ZDHHC14: variants seen among roughly 807,000 people sequenced by gnomAD.
ZDHHC14 encodes zDHHC palmitoyltransferase 14, also known as palmitoyltransferase ZDHHC14.
Under a neutral mutation model 47.7 loss-of-function variants are expected in ZDHHC14, and 16 were observed. That is an observed-to-expected ratio of 0.34 (90% CI 0.23 to 0.51). ZDHHC14 has a LOEUF of 0.51. Ranked by LOEUF, ZDHHC14 falls within the 20% of genes least tolerant of loss-of-function variation. ZDHHC14 has a pLI of 0.97. For synonymous variants in ZDHHC14, 293 were observed against 278.9 expected (o/e 1.05, Z -0.50); for missense variants, 515 against 662.5 (o/e 0.78, Z 2.44).
intron 3 of ZDHHC14, among the ~76,000 whole-genome samples, chr6:157,595,077 A>G (rs1582993070): frequency 6.6e-6 from 1 of 150,600 alleles, no homozygotes; most frequent in Admixed American, 6.6e-5. Flanking sequence ...CTTACTGGGC[A>G]CTTCCTTCTC....
intron 2 of ZDHHC14, among the ~76,000 whole-genome samples, chr6:157,554,992 A>G (rs755134492): frequency 1.4e-4 from 21 of 152,202 alleles, no homozygotes; most frequent in Admixed American, 5.2e-4. Flanking sequence ...AGTGGGAGCT[A>G]TGGTCTTCTC....
chr6:157,672,916 G>C lies in ZDHHC14; in HGVS notation c.1261G>C (p.Ala421Pro), dbSNP rs900315693. The change falls in exon 9 of 9, where the codon GCC becomes CCC. Residue 421 changes from alanine (A) to proline (P), a missense_variant. Transcript: ENST00000359775. ...PPASMPNLAE[A>P]TLADVMPRKD... ...CGCCTCCATGCCCAACCTCGCCGAG[G>C]CCACGCTCGCGGACGTGATGCCCCG... is the stretch of plus-strand genomic sequence containing the variant. 2 of 1,603,654 alleles carry C rather than the reference G, an allele frequency of 1.2e-6. No individual in the cohort carries two copies. Among genetic ancestry groups the C allele is most frequent in the Non-Finnish European group, 1.7e-6 (2 of 1,176,832 alleles).
rs140309261 is a variant in ZDHHC14, at chr6:157,420,021, G to T, written c.245+37755G>T. On this transcript the variant is annotated intron_variant, in intron 1 of 8. Transcript: ENST00000359775. ...TAGTATCTTACTGTTGTTTTAATTTGCAATTTCCTAATGACGTGAGACATG... is the reference window on the plus strand; with the variant it reads ...TAGTATCTTACTGTTGTTTTAATTTTCAATTTCCTAATGACGTGAGACATG... Among the ~76,000 whole-genome samples the T allele has an allele frequency of 6.3e-3, 956 of 152,284 alleles. 1 individual carries two copies. Among genetic ancestry groups the T allele is most frequent in the Non-Finnish European group, 0.01 (688 of 68,030 alleles).
Position 157,675,467 on chromosome 6 carries a change from C to G in ZDHHC14, c.*2345C>G, listed in dbSNP as rs555048563. On this transcript the variant is annotated 3_prime_UTR_variant, in exon 9 of 9. Transcript: ENST00000359775. Reference sequence around the variant, plus strand: ...TTGGCATCATTTATCCAATAGGGGACTGGGAATTTTGGTGAAGTGAATCAA... The same window carrying G: ...TTGGCATCATTTATCCAATAGGGGAGTGGGAATTTTGGTGAAGTGAATCAA... The G allele has an allele frequency of 2.6e-5, 4 of 152,364 alleles. No individual in the cohort carries two copies. The highest frequency in any genetic ancestry group is 9.6e-5 in the African/African-American group (4 of 41,572). The allele number at this position is 152,364 out of a possible 1,614,324, so 9.4% of individuals were successfully genotyped here.
chr6:157,587,127 GT>G, intron 2 of ZDHHC14, among the ~76,000 whole-genome samples: 1 of 152,296 alleles, frequency 6.6e-6, no homozygotes, highest in Middle Eastern at 3.4e-3. Flanking sequence ...TAACACAAAT[GT>G]TTGACTGAGT....
intron 2 of ZDHHC14, among the ~76,000 whole-genome samples, chr6:157,579,190 G>GGTTTTTTTTTTTTTTTTTTTTTTTTTTTT (rs1344124667): frequency 1.6e-5 from 1 of 63,948 alleles, no homozygotes. Context: ...TTGATTCTGT[G>GGTTTTTTTTTTTTTTTTTTTTTTTTTTTT]TTTTTTTTTT....
rs568043984 is a variant in ZDHHC14 at position 157,393,389 on chromosome 6, G to A, written c.245+11123G>A. ...CTTGCCCTGAGATAATCTTATCAGC[G>A]GAGGAATGGCGATCTAACCCACTTG... On this transcript the variant is annotated intron_variant, in intron 1 of 8. Coordinates refer to ENST00000359775, the MANE Select transcript of ZDHHC14 (RefSeq NM_024630.3). 4.6e-5 allele frequency among the ~76,000 whole-genome samples: 7 copies of A among 152,278 alleles called. No individual in the cohort carries two copies. The South Asian group carries it at 8.3e-4, about 18-fold the overall frequency.
intron 2 of ZDHHC14, among the ~76,000 whole-genome samples, chr6:157,562,909 C>G (rs1782764548): frequency 6.6e-6 from 1 of 151,844 alleles, no homozygotes; most frequent in Non-Finnish European, 1.5e-5. Context: ...GTGCCCAGGT[C>G]AAGGAAGAAC....
rs1358236627 is a variant in ZDHHC14, at chr6:157,537,054, G to A, written c.246-5531G>A. Among the ~76,000 whole-genome samples, 5 of 56,324 alleles carry A rather than the reference G, an allele frequency of 8.9e-5. 2 individuals are homozygous for A. The East Asian group carries it at 2.5e-3, about 28-fold the overall frequency. The allele number at this position is 56,324 out of a possible 152,430, so 37.0% of individuals were successfully genotyped here. A position where few individuals can be genotyped will look rare whatever the true frequency, so the allele number is the denominator to read the frequency against. On this transcript the variant is annotated intron_variant, in intron 1 of 8. Coordinates refer to ENST00000359775, the MANE Select transcript of ZDHHC14 (RefSeq NM_024630.3). ...GGGATGGTCTCGATCTCCTGACCTC[G>A]TGATCCGCCCGCCTCGGCCTCCCAA... is the stretch of plus-strand genomic sequence containing the variant.
chr6:157,567,516 G>T (rs34860547), intron 2 of ZDHHC14, among the ~76,000 whole-genome samples: 81,414 of 152,016 alleles, frequency 0.54, 22,489 homozygotes, highest in African/African-American at 0.69. Context: ...CACAACTTTG[G>T]TACATAAAAG....
chr6:157,653,281 T>C (rs1158976444), intron 7 of ZDHHC14, among the ~76,000 whole-genome samples: 3 of 152,244 alleles, frequency 2.0e-5, no homozygotes, highest in South Asian at 4.1e-4. Flanking sequence ...GATGCTGTCA[T>C]CTGAGCAGGC....
In ZDHHC14 at chr6:157,427,154, G is replaced by A. The variant is rs772508196; in HGVS notation, c.245+44888G>A. ...GGGACAAGGCTCAGGCGTAGACCTGGAGGGGCATCGGGCCTGGGAGCACAG... is the reference window on the plus strand; with the variant it reads ...GGGACAAGGCTCAGGCGTAGACCTGAAGGGGCATCGGGCCTGGGAGCACAG... On this transcript the variant is annotated intron_variant, in intron 1 of 8. Coordinates refer to ENST00000359775, the MANE Select transcript of ZDHHC14 (RefSeq NM_024630.3). The surrounding 1 kb of genome is among the most constrained non-coding windows in gnomAD (Gnocchi z 4.4). Among the ~76,000 whole-genome samples, 8 of 152,100 alleles carry A rather than the reference G, an allele frequency of 5.3e-5. No individual in the cohort carries two copies. Among genetic ancestry groups the A allele is most frequent in the Non-Finnish European group, 2.9e-5 (2 of 68,002 alleles).
chr6:157,515,836 CCAACT>C (rs1374980340), intron 1 of ZDHHC14, among the ~76,000 whole-genome samples: 3 of 152,116 alleles, frequency 2.0e-5, no homozygotes, highest in Non-Finnish European at 4.4e-5. Context: ...TCTCTTAACA[CCAACT>C]AACTGCATCT....
At chr6:157,462,839 GTC>G (rs2114816346) in intron 1 of ZDHHC14, among the ~76,000 whole-genome samples, 1 of 152,358 alleles carries the variant, frequency 6.6e-6, no homozygotes, top group East Asian at 1.9e-4. Flanking sequence ...TTTCATGGCT[GTC>G]TCTGCAGACT....
chr6:157,565,480 G>A (rs570015421), intron 2 of ZDHHC14, among the ~76,000 whole-genome samples: 480 of 152,288 alleles, frequency 3.2e-3, no homozygotes, highest in Middle Eastern at 6.8e-3. Flanking sequence ...TCAGTCACAT[G>A]CATATTGAAG....
chr6:157,544,880 A>G (rs1404252755), intron 2 of ZDHHC14, among the ~76,000 whole-genome samples: 2 of 152,042 alleles, frequency 1.3e-5, no homozygotes, highest in Admixed American at 1.3e-4. Flanking sequence ...TGACCCAGCA[A>G]CTCCACTCCT....
intron 1 of ZDHHC14, among the ~76,000 whole-genome samples, chr6:157,389,373 C>T (rs1396760317): frequency 6.6e-6 from 1 of 152,148 alleles, no homozygotes; most frequent in Non-Finnish European, 1.5e-5. Flanking sequence ...CATCCAAATA[C>T]TTCTGCATGT....
rs564256710 is a variant in ZDHHC14 at position 157,467,695 on chromosome 6, G to T, written c.246-74890G>T. Among the ~76,000 whole-genome samples, 18 of 152,066 alleles carry T rather than the reference G, an allele frequency of 1.2e-4. 1 individual carries two copies. The South Asian group carries it at 3.8e-3, about 32-fold the overall frequency. ...CTCGCAAGTAGCTGGAATTACAGGCGCCTGCCAACACGTCTGGCTAATTTT... is the reference window on the plus strand; with the variant it reads ...CTCGCAAGTAGCTGGAATTACAGGCTCCTGCCAACACGTCTGGCTAATTTT... On this transcript the variant is annotated intron_variant, in intron 1 of 8. Transcript: ENST00000359775.
chr6:157,651,864 G>C (rs663966), intron 7 of ZDHHC14, among the ~76,000 whole-genome samples: 4 of 151,900 alleles, frequency 2.6e-5, no homozygotes, highest in African/African-American at 9.7e-5. Flanking sequence ...GAGCCACTGC[G>C]CCCGGTCCCT....
Sources: allele counts gnomAD v4.1 joint callset (sites outside exome capture counted in the v4.1 genomes callset), GRCh38; gene constraint gnomAD v4.1.1; non-coding constraint Gnocchi (gnomAD v3.1); transcripts MANE v1.5; gene names NCBI Gene and HGNC (gene_info 2026-07-23, HGNC 2026-07-21).